CHN1: variants seen among roughly 807,000 people sequenced by gnomAD.
The protein encoded by CHN1 is N-chimaerin.
In CHN1, 37 loss-of-function variants were observed where a neutral mutation model predicts 59.5. That is an observed-to-expected ratio of 0.62 (90% confidence interval 0.48 to 0.82). The LOEUF is 0.82. Among genes scored for constraint, CHN1 ranks in the 40% least tolerant of loss-of-function variants. The pLI, the probability that CHN1 is intolerant of heterozygous loss-of-function variation, is 0.00. For synonymous variants in CHN1, 206 were observed against 200.4 expected (o/e 1.03, Z -0.24); for missense variants, 469 against 571.0 (o/e 0.82, Z 1.82).
intron 6 of CHN1, among the ~76,000 whole-genome samples, chr2:174,856,926 C>T (rs1255974713): frequency 6.6e-6 from 1 of 152,006 alleles, no homozygotes; most frequent in African/African-American, 2.4e-5. Context: ...GGCTGGTACC[C>T]AATCAAGTAG....
chr2:174,809,077 T>C, intron 10 of CHN1, 35 bp from the exon 11 acceptor site: 2 of 1,572,774 alleles, frequency 1.3e-6, no homozygotes, highest in Non-Finnish European at 1.7e-6. Flanking sequence ...AAAGTAAATA[T>C]CTGGATTCAC....
At chr2:174,895,049 G>GCACACACA (rs751627983) in intron 5 of CHN1, among the ~76,000 whole-genome samples, 1 of 129,236 alleles carries the variant, frequency 7.7e-6, no homozygotes, top group Non-Finnish European at 1.5e-5. Context: ...ACACACGCGC[G>GCACACACA]CACACACACA....
intron 5 of CHN1, among the ~76,000 whole-genome samples, chr2:174,898,185 C>T (rs577931569): frequency 6.6e-6 from 1 of 152,252 alleles, no homozygotes; most frequent in South Asian, 2.1e-4. Context: ...GTGCCACACA[C>T]AGGAAAAGCA....
intron 7 of CHN1, among the ~76,000 whole-genome samples, chr2:174,827,869 A>C (rs1444542418): frequency 6.6e-6 from 1 of 152,184 alleles, no homozygotes; most frequent in Non-Finnish European, 1.5e-5. Flanking sequence ...ACAGAGGTAC[A>C]AAAGTAGAGA....
intron 5 of CHN1, among the ~76,000 whole-genome samples, chr2:174,885,307 G>T (rs116711581): frequency 0.083 from 11,922 of 143,824 alleles, 499 homozygotes; most frequent in Admixed American, 0.12. Context: ...TATATATAGA[G>T]AGAGAGAAAT....
chr2:174,974,893 AT>A (rs779241523), intron 1 of CHN1, among the ~76,000 whole-genome samples: 31,682 of 122,470 alleles, frequency 0.26, 4,368 homozygotes, highest in Admixed American at 0.39. Context: ...ATAAGAAATA[AT>A]TAATACACAC....
At chr2:174,963,361 A>G (rs1203600956) in intron 1 of CHN1, among the ~76,000 whole-genome samples, 1 of 152,232 alleles carries the variant, frequency 6.6e-6, no homozygotes, top group Admixed American at 6.5e-5. Context: ...GGAAAGAAGG[A>G]ATCACTTTTG....
intron 1 of CHN1, among the ~76,000 whole-genome samples, chr2:174,965,120 CTGAT>C (rs768741507): frequency 7.2e-5 from 11 of 151,976 alleles, no homozygotes; most frequent in Non-Finnish European, 1.0e-4. Flanking sequence ...CATTTACTGA[CTGAT>C]AGGATTAAAT....
At chr2:174,900,411 G>A (rs1277319339) in intron 5 of CHN1, among the ~76,000 whole-genome samples, 1 of 152,174 alleles carries the variant, frequency 6.6e-6, no homozygotes, top group Non-Finnish European at 1.5e-5. Flanking sequence ...GGCTGAGGCA[G>A]GAGGATCACT....
At chr2:174,993,078 C>A (rs1691597347) in intron 1 of CHN1, among the ~76,000 whole-genome samples, 1 of 151,158 alleles carries the variant, frequency 6.6e-6, no homozygotes, top group Non-Finnish European at 1.5e-5. Flanking sequence ...GCATGAGCCA[C>A]CACACCTGGC....
chr2:174,807,339 G>C (rs1234078630), intron 11 of CHN1, among the ~76,000 whole-genome samples: 4 of 152,156 alleles, frequency 2.6e-5, no homozygotes, highest in African/African-American at 9.7e-5. Context: ...TAGGCATAGA[G>C]CCAAGCTTCA....
intron 1 of CHN1, among the ~76,000 whole-genome samples, chr2:174,985,202 T>C (rs774122005): frequency 1.4e-4 from 22 of 152,328 alleles, no homozygotes; most frequent in Admixed American, 9.8e-4. Context: ...ATTGAAATTA[T>C]TGACAAGATT....
At chr2:174,821,820 C>T (rs1685509665) in intron 8 of CHN1, 1 of 394,564 alleles carries the variant, frequency 2.5e-6, no homozygotes, top group African/African-American at 2.1e-5. Flanking sequence ...ATTACCCAGT[C>T]TGTGGTATTT....
intron 2 of CHN1, among the ~76,000 whole-genome samples, chr2:174,948,963 A>G (rs1444803214): frequency 6.6e-6 from 1 of 152,210 alleles, no homozygotes; most frequent in East Asian, 1.9e-4. Context: ...AACTATATAT[A>G]TATCTGGCCT....
At chr2:174,954,098 T>C (rs186228751) in intron 1 of CHN1, among the ~76,000 whole-genome samples, 1 of 152,294 alleles carries the variant, frequency 6.6e-6, no homozygotes. Flanking sequence ...AATAAGGATA[T>C]GGACCAGTGA....
chr2:174,982,795 A>G (rs1691200648), intron 1 of CHN1, among the ~76,000 whole-genome samples: 1 of 152,196 alleles, frequency 6.6e-6, no homozygotes, highest in Admixed American at 6.5e-5. Context: ...TTTAAAATAA[A>G]CAGTTATATA....
intron 8 of CHN1, among the ~76,000 whole-genome samples, chr2:174,823,366 A>T (rs1685565457): frequency 6.6e-6 from 1 of 152,228 alleles, no homozygotes; most frequent in Non-Finnish European, 1.5e-5. Flanking sequence ...CCTATGTCAG[A>T]ATTTAGAGTA....
intron 7 of CHN1, among the ~76,000 whole-genome samples, chr2:174,843,262 G>T (rs933604979): frequency 6.6e-6 from 1 of 151,132 alleles, no homozygotes; most frequent in African/African-American, 2.4e-5. Context: ...TTTTTGAGAC[G>T]GAGTTTTGCT....
intron 5 of CHN1, among the ~76,000 whole-genome samples, chr2:174,883,474 T>C (rs1687795909): frequency 6.6e-6 from 1 of 152,182 alleles, no homozygotes; most frequent in African/African-American, 2.4e-5. Context: ...CTCTTGGAAA[T>C]CTGATCAACT....
Sources: gnomAD v4.1 joint callset for allele counts (sites outside exome capture counted in the v4.1 genomes callset) on GRCh38, gnomAD v4.1.1 for gene constraint, MANE v1.5 for transcripts, NCBI Gene and HGNC (gene_info 2026-07-23, HGNC 2026-07-21) for gene names.